The following REXO1 variants were observed in gnomAD, a reference collection of about 807,000 sequenced individuals.
REXO1 encodes RNA exonuclease 1 homolog.
In REXO1, 42 loss-of-function variants were observed where a neutral mutation model predicts 102.6. The observed-to-expected ratio is 0.41, with a 90% CI of 0.32 to 0.53. The LOEUF (loss-of-function observed/expected upper bound fraction) is 0.53, where lower values mean the gene tolerates loss of function less well. REXO1 is among the 20% of genes least tolerant of loss of function. The probability of loss-of-function intolerance (pLI) is 0.27; values close to 1 mark genes in which losing one functional copy is unlikely to be tolerated. For synonymous variants in REXO1, 908 were observed against 779.1 expected, an observed-to-expected ratio of 1.17 and a Z score of -2.76; for missense variants, 1,819 against 1,732.5, an observed-to-expected ratio of 1.05 and a Z score of -0.89.
chr19:1,834,735 T>C (rs1357803403), intron 1 of REXO1, among the ~76,000 whole-genome samples: 5 of 152,026 alleles, frequency 3.3e-5, no homozygotes, highest in Non-Finnish European at 7.4e-5. Context: ...AGCCAACAGA[T>C]GGGAAAGAGC....
intron 5 of REXO1, among the ~76,000 whole-genome samples, chr19:1,820,683 TAA>T (rs1397559394): frequency 2.0e-5 from 3 of 152,144 alleles, no homozygotes; most frequent in African/African-American, 4.8e-5. Context: ...TCAAAAAACA[TAA>T]AGTCTATTAA....
intron 1 of REXO1, among the ~76,000 whole-genome samples, chr19:1,844,836 C>A (rs553506206): frequency 2.6e-5 from 4 of 152,216 alleles, no homozygotes; most frequent in Non-Finnish European, 5.9e-5. Flanking sequence ...CAGCCTGTGG[C>A]GCAGCACTAG....
intron 1 of REXO1, among the ~76,000 whole-genome samples, chr19:1,829,925 A>G (rs981460769): frequency 2.6e-5 from 4 of 152,224 alleles, no homozygotes; most frequent in Middle Eastern, 3.2e-3. Context: ...CTATAGCCCA[A>G]GCTGCTGTGC....
intron 12 of REXO1, 59 bp downstream of exon 12, chr19:1,817,160 C>G: frequency 1.2e-6 from 1 of 867,140 alleles, no homozygotes. Flanking sequence ...ATGGGGCGGC[C>G]GCACCAGGCC....
intron 1 of REXO1, among the ~76,000 whole-genome samples, chr19:1,839,187 G>A (rs916853185): frequency 9.3e-5 from 14 of 150,958 alleles, no homozygotes; most frequent in Middle Eastern, 3.4e-3. Context: ...ACCCAGCAGC[G>A]GAAGTTGCAG....
In REXO1 at chr19:1,827,990, G is replaced by A; in HGVS notation, c.799C>T (p.Pro267Ser). 1 of 1,613,218 alleles carries A rather than the reference G, an allele frequency of 6.2e-7. No individual in the cohort carries two copies. The highest frequency in any genetic ancestry group is 8.5e-7 in the Non-Finnish European group (1 of 1,179,756). Reference protein sequence around the residue: ...KRPRGSRGSEPYTPAPKKLCD... With the variant: ...KRPRGSRGSESYTPAPKKLCD... ...AGCTTCTTGGGAGCAGGTGTGTAGG[G>A]CTCACTGCCGCGGGAGCCCCGGGGC... Residue 267 changes from proline to serine, a missense_variant, in exon 2 of 16, where the codon CCC becomes TCC. Physicochemically the swap from Pro to Ser is moderately conservative, Grantham distance 74. Transcript: ENST00000170168.
rs758872540 is a variant in REXO1, at chr19:1,816,421, G to A, written c.3456+10C>T. The A allele has an allele frequency of 3.9e-5, 63 of 1,609,950 alleles. No homozygotes were observed. The highest frequency in any genetic ancestry group is 8.4e-5 in the Admixed American group (5 of 59,780). On this transcript the variant is annotated intron_variant, in intron 14 of 15. Coordinates refer to ENST00000170168, the MANE Select transcript of REXO1 (RefSeq NM_020695.4). ...TGGAGAACCGCGCGGGACCCGGGCC[G>A]GCAGGGCACCTTCAGGGCCAGGAGG...
At chr19:1,828,660 C>A in intron 1 of REXO1, 29 bp from the exon 2 acceptor site, 1 of 1,566,664 alleles carries the variant, frequency 6.4e-7, no homozygotes. Context: ...ACAGCTGTGA[C>A]CAGCCTGCCG....
chr19:1,839,025 C>T (rs780721998), intron 1 of REXO1, among the ~76,000 whole-genome samples: 12 of 151,888 alleles, frequency 7.9e-5, no homozygotes, highest in Non-Finnish European at 1.3e-4. Context: ...AAAGCTGAGG[C>T]GGGCGGACTG....
At chr19:1,844,499 T>G (rs918275166) in intron 1 of REXO1, among the ~76,000 whole-genome samples, 1 of 152,118 alleles carries the variant, frequency 6.6e-6, no homozygotes, top group African/African-American at 2.4e-5. Context: ...AGATATTGGG[T>G]ACACGGTGGG....
intron 14 of REXO1, 26 bp from the exon 15 acceptor site, chr19:1,816,371 C>A (rs1303757822): frequency 1.9e-6 from 3 of 1,592,576 alleles, no homozygotes; most frequent in Admixed American, 1.7e-5. Context: ...GAGATCAGCG[C>A]ACGTGGGGCC....
In REXO1 at chr19:1,827,730, T is replaced by C. The variant is rs371340826; in HGVS notation, c.1059A>G (p.Pro353=). The change falls in exon 2 of 16, where the codon CCA becomes CCG. Residue 353 remains proline, a synonymous_variant. Coordinates refer to ENST00000170168, the MANE Select transcript of REXO1 (RefSeq NM_020695.4). The part of the protein sequence containing the change: ...QCDVGDLQPP[P]AKPASPAQVQ... ...CCTGGGCTGGGGAGGCGGGCTTGGC[T>C]GGGGGCGGCTGGAGGTCCCCCACGT... is the stretch of plus-strand genomic sequence containing the variant. 57 of 1,569,726 alleles carry C rather than the reference T, an allele frequency of 3.6e-5. No homozygotes were observed. The highest frequency in any genetic ancestry group is 4.6e-5 in the Non-Finnish European group (54 of 1,168,774).
intron 4 of REXO1, chr19:1,823,219 A>T: frequency 3.6e-6 from 1 of 277,252 alleles, no homozygotes; most frequent in Non-Finnish European, 6.7e-6. Flanking sequence ...GCCAGGAGAA[A>T]GCCACACCTG....
At position 1,828,504 on chromosome 19, in the gene REXO1, G is replaced by C. The variant is rs139018051; in HGVS notation, c.285C>G (p.Ile95Met). ...VLELELVNQAIEAVRSEVELE... is the reference protein window; with the variant it reads ...VLELELVNQAMEAVRSEVELE... ...GCTCCACCTCACTGCGCACGGCCTC[G>C]ATGGCCTGGTTGACCAGCTCCAACT... The change falls in exon 2 of 16, where the codon ATC (isoleucine) becomes ATG (methionine). Residue 95 changes from isoleucine to methionine, a missense_variant. Ile to Met is a conservative substitution (Grantham distance 10). Transcript: ENST00000170168. 6.2e-7 allele frequency: 1 copy of C among 1,604,988 alleles called. No homozygotes were observed. Among genetic ancestry groups the C allele is most frequent in the South Asian group, 1.1e-5 (1 of 91,080 alleles).
chr19:1,832,532 T>G (rs1024783578), intron 1 of REXO1, among the ~76,000 whole-genome samples: 8 of 152,224 alleles, frequency 5.3e-5, no homozygotes, highest in Admixed American at 5.2e-4. Context: ...CTGCCGCCTT[T>G]CCCTTGAAAT....
chr19:1,847,052 G>A (rs1237544525), intron 1 of REXO1, among the ~76,000 whole-genome samples: 1 of 152,180 alleles, frequency 6.6e-6, no homozygotes. Flanking sequence ...AGGCACAGCT[G>A]TCGGCAGGTC....
chr19:1,824,785 T>TGAG (rs2069658837), intron 3 of REXO1, among the ~76,000 whole-genome samples: 2 of 64,010 alleles, frequency 3.1e-5, no homozygotes, highest in Admixed American at 3.5e-4. Flanking sequence ...GATAACTCAT[T>TGAG]TTATGTATTT....
chr19:1,820,512 A>G (rs1477326623), intron 5 of REXO1, 117 bp from the exon 6 acceptor site: 2 of 1,222,386 alleles, frequency 1.6e-6, no homozygotes, highest in African/African-American at 3.1e-5. Context: ...GCGCTGGGAC[A>G]GATCAGCCTG....
chr19:1,817,110 C>T (rs571752818), intron 12 of REXO1, 109 bp downstream of exon 12: 8 of 1,337,774 alleles, frequency 6.0e-6, no homozygotes, highest in Admixed American at 4.5e-5. Flanking sequence ...CGAGAGAAAC[C>T]CTGAGCGCTG....
Sources: allele counts gnomAD v4.1 joint callset (sites outside exome capture counted in the v4.1 genomes callset), GRCh38; gene constraint gnomAD v4.1.1; transcripts MANE v1.5; gene names NCBI Gene and HGNC (gene_info 2026-07-23, HGNC 2026-07-21).